The following NREP variants were observed in gnomAD, a reference collection of about 807,000 sequenced individuals.
NREP encodes neuronal regeneration related protein.
Under a neutral mutation model 8.6 loss-of-function variants are expected in NREP, and 5 were observed. That is an observed-to-expected ratio of 0.58 (90% CI 0.30 to 1.22). NREP has a LOEUF of 1.22. Among genes scored for constraint, NREP ranks in the 50% most tolerant of loss-of-function variants. The pLI is 0.07. For synonymous variants in NREP, 27 were observed against 28.0 expected, an observed-to-expected ratio of 0.96 and a Z score of 0.11; for missense variants, 86 against 82.5, an observed-to-expected ratio of 1.04 and a Z score of -0.17.
At chr5:111,784,939 G>T (rs1016693733) in intron 2 of NREP, among the ~76,000 whole-genome samples, 1 of 152,144 alleles carries the variant, frequency 6.6e-6, no homozygotes, top group Non-Finnish European at 1.5e-5. Flanking sequence ...TGCTTGAGCA[G>T]GGGGGAGCTG....
chr5:111,973,349 G>A (rs917214514), intron 2 of NREP, among the ~76,000 whole-genome samples: 28 of 152,020 alleles, frequency 1.8e-4, no homozygotes, highest in African/African-American at 6.3e-4. Context: ...TTATCCACAC[G>A]CAACACTTGC....
chr5:111,973,464 C>T (rs1009281138), intron 2 of NREP, among the ~76,000 whole-genome samples: 12 of 152,122 alleles, frequency 7.9e-5, no homozygotes, highest in African/African-American at 1.7e-4. Flanking sequence ...AGAATGGAGG[C>T]TTGTCAGAAT....
intron 2 of NREP, chr5:111,975,267 G>C: frequency 6.5e-7 from 1 of 1,544,666 alleles, no homozygotes. Context: ...ATAGCAGTTT[G>C]TCTTACACAA....
upstream of NREP, among the ~76,000 whole-genome samples, chr5:111,761,984 C>T (rs116213932): frequency 2.1e-3 from 322 of 151,694 alleles, no homozygotes; most frequent in African/African-American, 7.1e-3. Context: ...AGTAATTTGG[C>T]GGATGGATTT....
At chr5:111,958,761 T>C (rs1340876341) in intron 2 of NREP, among the ~76,000 whole-genome samples, 5 of 151,968 alleles carry the variant, frequency 3.3e-5, no homozygotes, top group African/African-American at 1.2e-4. Flanking sequence ...AAAATTCCTA[T>C]AAGAATTTGC....
At chr5:111,953,373 G>A (rs1756219327) in intron 2 of NREP, among the ~76,000 whole-genome samples, 2 of 152,084 alleles carry the variant, frequency 1.3e-5, no homozygotes, top group African/African-American at 2.4e-5. Flanking sequence ...CTATGCCTGG[G>A]TTTAGAACCC....
intron 2 of NREP, among the ~76,000 whole-genome samples, chr5:111,833,639 C>T (rs1002895143): frequency 8.5e-5 from 13 of 152,146 alleles, no homozygotes; most frequent in African/African-American, 3.1e-4. Flanking sequence ...AGGATGGCCT[C>T]ATCCTATTGT....
At chr5:111,937,389 T>C (rs759941618) in intron 2 of NREP, among the ~76,000 whole-genome samples, 35 of 152,216 alleles carry the variant, frequency 2.3e-4, no homozygotes, top group South Asian at 4.1e-4. Context: ...TTCAAGACTT[T>C]TGAATGCTTT....
chr5:111,814,625 C>T (rs1223956658), intron 2 of NREP, among the ~76,000 whole-genome samples: 1 of 152,098 alleles, frequency 6.6e-6, no homozygotes, highest in African/African-American at 2.4e-5. Flanking sequence ...GTACCAGGTA[C>T]AGTGCTGACT....
chr5:111,855,984 G>C (rs967555379), intron 2 of NREP, among the ~76,000 whole-genome samples: 3 of 152,184 alleles, frequency 2.0e-5, no homozygotes, highest in African/African-American at 7.2e-5. Flanking sequence ...CCTGAGCATG[G>C]ACAGACCCTG....
intron 2 of NREP, among the ~76,000 whole-genome samples, chr5:111,830,072 G>C (rs1752727620): frequency 1.3e-5 from 2 of 152,170 alleles, no homozygotes; most frequent in Admixed American, 6.5e-5. Context: ...TGGCCCACAG[G>C]CTGCATGTGG....
At chr5:111,757,332 CAAG>C (rs1158633834), upstream of NREP, 55 of 844,096 alleles carry the variant, frequency 6.5e-5, no homozygotes, top group African/African-American at 8.6e-4. Flanking sequence ...GCTTCACTTC[CAAG>C]AAGTGCAGCC....
intron 2 of NREP, among the ~76,000 whole-genome samples, chr5:111,962,285 C>A (rs138013257): frequency 1.9e-4 from 29 of 152,068 alleles, no homozygotes; most frequent in Non-Finnish European, 3.7e-4. Flanking sequence ...AAACTTACAT[C>A]ATTAAAAAAA....
intron 2 of NREP, among the ~76,000 whole-genome samples, chr5:111,891,701 C>T (rs1754399031): frequency 6.6e-6 from 1 of 152,116 alleles, no homozygotes. Flanking sequence ...AGTGAGAAGG[C>T]AAAGGAGGAG....
At chr5:111,841,358 A>C (rs987926690) in intron 2 of NREP, among the ~76,000 whole-genome samples, 1 of 152,198 alleles carries the variant, frequency 6.6e-6, no homozygotes, top group Non-Finnish European at 1.5e-5. Context: ...TCTCAACAGC[A>C]TTCTTTCCAT....
intron 2 of NREP, among the ~76,000 whole-genome samples, chr5:111,790,780 T>C (rs1051000172): frequency 6.6e-6 from 1 of 152,090 alleles, no homozygotes; most frequent in Non-Finnish European, 1.5e-5. Context: ...ATTTAGGATA[T>C]ATTGTTGAGT....
intron 2 of NREP, among the ~76,000 whole-genome samples, chr5:111,812,411 C>T (rs1752291210): frequency 6.6e-6 from 1 of 152,002 alleles, no homozygotes; most frequent in Non-Finnish European, 1.5e-5. Context: ...CTTTGAAAAC[C>T]AAATATTTTA....
intron 2 of NREP, among the ~76,000 whole-genome samples, chr5:111,797,253 G>A (rs1467922339): frequency 6.6e-6 from 1 of 152,172 alleles, no homozygotes; most frequent in East Asian, 1.9e-4. Flanking sequence ...GCAAGTGTCA[G>A]AGAAAAAAAT....
intron 2 of NREP, among the ~76,000 whole-genome samples, chr5:111,884,023 T>A (rs9686909): frequency 0.21 from 31,224 of 151,566 alleles, 4,740 homozygotes; most frequent in African/African-American, 0.42. Flanking sequence ...CAAAAAATTA[T>A]TGAATCCAGG....
Sources: gnomAD v4.1 joint callset for allele counts (sites outside exome capture counted in the v4.1 genomes callset) on GRCh38, gnomAD v4.1.1 for gene constraint, MANE v1.5 for transcripts, NCBI Gene and HGNC (gene_info 2026-07-23, HGNC 2026-07-21) for gene names.